Variants in KCNIP4 observed in about 807,000 individuals in gnomAD.
KCNIP4 encodes the protein Kv channel-interacting protein 4.
Under a neutral mutation model 34.0 loss-of-function variants are expected in KCNIP4, and 12 were observed. The ratio of observed to expected loss-of-function variants is 0.35; its 90% CI spans 0.23 to 0.57. The LOEUF (loss-of-function observed/expected upper bound fraction) is 0.57, where lower values mean the gene tolerates loss of function less well. Among genes scored for constraint, KCNIP4 ranks in the 20% least tolerant of loss-of-function variants. The probability of loss-of-function intolerance (pLI) is 0.83; values close to 1 mark genes in which losing one functional copy is unlikely to be tolerated. For synonymous variants in KCNIP4, 124 were observed against 102.2 expected, an observed-to-expected ratio of 1.21 and a Z score of -1.29; for missense variants, 238 against 311.7, an observed-to-expected ratio of 0.76 and a Z score of 1.78.
At chr4:21,225,222 C>T (rs1167511392) in intron 1 of KCNIP4, among the ~76,000 whole-genome samples, 2 of 152,158 alleles carry the variant, frequency 1.3e-5, no homozygotes, top group East Asian at 1.9e-4. Flanking sequence ...CCTTTATCCA[C>T]CTCAGGTATT....
chr4:21,283,292 A>T (rs1440093944), intron 1 of KCNIP4, among the ~76,000 whole-genome samples: 2 of 152,132 alleles, frequency 1.3e-5, no homozygotes, highest in African/African-American at 4.8e-5. Context: ...ATTGACTTTT[A>T]TATTTAAAAT....
At chr4:21,654,255 T>A (rs953453182) in intron 1 of KCNIP4, among the ~76,000 whole-genome samples, 1 of 152,190 alleles carries the variant, frequency 6.6e-6, no homozygotes, top group Non-Finnish European at 1.5e-5. Flanking sequence ...CCTCAGAGTA[T>A]CATATAATTA....
chr4:21,085,804 C>T (rs1175831338), intron 1 of KCNIP4, among the ~76,000 whole-genome samples: 1 of 152,152 alleles, frequency 6.6e-6, no homozygotes, highest in Non-Finnish European at 1.5e-5. Flanking sequence ...ATCAGAAGTT[C>T]ACACGTATGC....
At chr4:21,714,793 T>G (rs536180699) in intron 1 of KCNIP4, among the ~76,000 whole-genome samples, 8 of 1,042 alleles carry the variant, frequency 7.7e-3, no homozygotes, top group Middle Eastern at 0.5. Flanking sequence ...TTGATTATTT[T>G]ATTTTATTTT....
intron 3 of KCNIP4, among the ~76,000 whole-genome samples, chr4:20,848,487 C>CA (rs34837147): frequency 0.37 from 55,036 of 148,334 alleles, 10,347 homozygotes; most frequent in South Asian, 0.62. Context: ...ATATGGGCAA[C>CA]AAAAAAAAAC....
intron 1 of KCNIP4, among the ~76,000 whole-genome samples, chr4:21,550,150 T>A (rs985457762): frequency 2.0e-5 from 3 of 152,040 alleles, no homozygotes; most frequent in African/African-American, 7.2e-5. Context: ...TACAAAACAG[T>A]CTTTCAAATT....
At chr4:21,855,093 C>T (rs539212951) in intron 1 of KCNIP4, among the ~76,000 whole-genome samples, 1 of 152,192 alleles carries the variant, frequency 6.6e-6, no homozygotes, top group Non-Finnish European at 1.5e-5. Flanking sequence ...GTCATTTAAA[C>T]ATCGTCTTTA....
intron 1 of KCNIP4, among the ~76,000 whole-genome samples, chr4:20,977,396 G>A (rs538189855): frequency 4.6e-5 from 7 of 152,066 alleles, no homozygotes; most frequent in Admixed American, 2.6e-4. Flanking sequence ...GACATTCCCC[G>A]TTTCTCTGCA....
intron 1 of KCNIP4, among the ~76,000 whole-genome samples, chr4:21,094,060 C>T (rs966718078): frequency 6.6e-5 from 10 of 150,398 alleles, no homozygotes; most frequent in African/African-American, 2.2e-4. Flanking sequence ...CCAGCCTGGG[C>T]GACAGAGCAA....
chr4:20,954,719 C>A (rs1733120424), intron 1 of KCNIP4, among the ~76,000 whole-genome samples: 1 of 152,160 alleles, frequency 6.6e-6, no homozygotes, highest in Non-Finnish European at 1.5e-5. Context: ...TCCTTCTGGG[C>A]CCAGGCGCAT....
At chr4:20,930,638 G>T (rs1382882455) in intron 1 of KCNIP4, among the ~76,000 whole-genome samples, 1 of 151,996 alleles carries the variant, frequency 6.6e-6, no homozygotes, top group Admixed American at 6.6e-5. Context: ...TTCAACATTT[G>T]TAAAGAACAC....
chr4:20,763,314 G>A (rs1356176715), intron 3 of KCNIP4, among the ~76,000 whole-genome samples: 3 of 152,116 alleles, frequency 2.0e-5, no homozygotes, highest in Non-Finnish European at 2.9e-5. Context: ...TAAAAACCAC[G>A]TAGTATATTT....
At chr4:21,719,559 G>GT (rs1409594274) in intron 1 of KCNIP4, among the ~76,000 whole-genome samples, 1 of 152,168 alleles carries the variant, frequency 6.6e-6, no homozygotes, top group Non-Finnish European at 1.5e-5. Context: ...AAATGATGCA[G>GT]TGATTCCAAG....
At chr4:21,833,184 TG>T (rs1723104343) in intron 1 of KCNIP4, among the ~76,000 whole-genome samples, 1 of 151,538 alleles carries the variant, frequency 6.6e-6, no homozygotes, top group African/African-American at 2.4e-5. Flanking sequence ...CCACAATGGT[TG>T]AACTAGTTTA....
chr4:20,917,229 A>G (rs190712668), intron 1 of KCNIP4, among the ~76,000 whole-genome samples: 74 of 151,140 alleles, frequency 4.9e-4, no homozygotes, highest in African/African-American at 1.6e-3. Flanking sequence ...GTAGAAAGGA[A>G]GTTTCCCCAT....
At chr4:21,476,037 G>A (rs1229880604) in intron 1 of KCNIP4, among the ~76,000 whole-genome samples, 1 of 151,966 alleles carries the variant, frequency 6.6e-6, no homozygotes, top group Non-Finnish European at 1.5e-5. Context: ...GAAGACCCAG[G>A]GTTCTGCCTT....
At chr4:21,879,449 C>T (rs1311459029) in intron 1 of KCNIP4, among the ~76,000 whole-genome samples, 1 of 152,252 alleles carries the variant, frequency 6.6e-6, no homozygotes, top group African/African-American at 2.4e-5. Flanking sequence ...TGGCTGCCCC[C>T]TTCAGGCAAG....
chr4:20,767,692 A>G (rs1302629801), intron 3 of KCNIP4, among the ~76,000 whole-genome samples: 1 of 152,172 alleles, frequency 6.6e-6, no homozygotes, highest in Non-Finnish European at 1.5e-5. Flanking sequence ...TGCCCACTCT[A>G]TTAGCTGAAA....
intron 1 of KCNIP4, among the ~76,000 whole-genome samples, chr4:21,946,904 T>C: frequency 6.6e-6 from 1 of 152,190 alleles, no homozygotes; most frequent in East Asian, 1.9e-4. Flanking sequence ...GACTTCATCT[T>C]CATTTCCCAT....
Sources: allele counts gnomAD v4.1 joint callset (sites outside exome capture counted in the v4.1 genomes callset), GRCh38; gene constraint gnomAD v4.1.1; transcripts MANE v1.5; gene names NCBI Gene and HGNC (gene_info 2026-07-23, HGNC 2026-07-21).